SGK2: variants seen among roughly 807,000 people sequenced by gnomAD.
The protein encoded by SGK2 is serum/glucocorticoid regulated kinase 2, also known as serine/threonine-protein kinase Sgk2.
In SGK2, 36 loss-of-function variants were observed where a neutral mutation model predicts 47.5. The observed-to-expected ratio is 0.76, with a 90% CI of 0.58 to 1.00. SGK2 has a LOEUF of 1.00. SGK2 is among the 50% of genes least tolerant of loss of function. The probability of loss-of-function intolerance (pLI) is 0.00; values close to 1 mark genes in which losing one functional copy is unlikely to be tolerated. For synonymous variants in SGK2, 157 were observed against 181.9 expected (o/e 0.86, Z 1.10); for missense variants, 404 against 467.4 (o/e 0.86, Z 1.25).
At chr20:43,569,643 C>A in intron 6 of SGK2, 127 bp downstream of exon 6, 1 of 1,104,828 alleles carries the variant, frequency 9.1e-7, no homozygotes, top group Non-Finnish European at 1.3e-6. Flanking sequence ...CATTTTGTAG[C>A]TAAAGAAACT....
rs775481466 is a variant in SGK2, at chr20:43,570,656, C to G, written c.400C>G (p.Pro134Ala). The G allele has an allele frequency of 6.2e-7, 1 of 1,612,192 alleles. No homozygotes were observed. The highest frequency in any genetic ancestry group is 1.3e-5 in the African/African-American group (1 of 74,928). ...HLQRERRFLE[P>A]RARFYAAEVA... ...GCAGCGGGAGCGCCGGTTCCTGGAG[C>G]CCCGGGCCAGGTTCTACGCTGCTGA... The change falls in exon 7 of 13, where the codon CCC (proline) becomes GCC (alanine). Residue 134 changes from proline (P) to alanine (A), a missense_variant. Transcript: ENST00000373100.
At chr20:43,583,286 G>T in intron 12 of SGK2, 3 of 1,289,712 alleles carry the variant, frequency 2.3e-6, no homozygotes, top group Non-Finnish European at 3.0e-6. Context: ...ACCATACATG[G>T]AATACTAGGC....
chr20:43,583,266 T>G (rs1313097393), intron 12 of SGK2: 6 of 1,289,678 alleles, frequency 4.7e-6, no homozygotes, highest in African/African-American at 1.5e-5. Flanking sequence ...ACTTATACCC[T>G]GGAGAGAGAA....
chr20:43,574,918 C>A lies in SGK2; in HGVS notation c.607C>A (p.Pro203Thr). 1 of 1,613,292 alleles carries A rather than the reference C, an allele frequency of 6.2e-7. No individual in the cohort carries two copies. Among genetic ancestry groups the A allele is most frequent in the Non-Finnish European group, 8.5e-7 (1 of 1,179,392 alleles). ...TFCGTPEYLA[P>T]EVLRKEPYDR... ...TGTTTCCTTCTAACAGTACTTGGCA[C>A]CTGAAGTGCTTCGGAAAGAGCCTTA... The change falls in exon 10 of 13, where the codon CCT (proline) becomes ACT (threonine). Residue 203 changes from proline (P) to threonine (T), a missense_variant. Physicochemically the swap from Pro to Thr is conservative, Grantham distance 38. Transcript: ENST00000373100.
At chr20:43,571,146 A>C (rs753114249) in intron 8 of SGK2, 86 bp downstream of exon 8, 34 of 1,585,356 alleles carry the variant, frequency 2.1e-5, no homozygotes, top group Admixed American at 3.4e-5. Flanking sequence ...GTCTGTGTAC[A>C]TGGGTGTGCA....
intron 3 of SGK2, 127 bp downstream of exon 3, chr20:43,567,244 C>T: frequency 1.3e-6 from 1 of 780,614 alleles, no homozygotes. Context: ...GGGCCCAGGA[C>T]CTTTCCCCAG....
Position 43,583,189 on chromosome 20 carries a change from C to T in SGK2, c.940-1663C>T. 2.3e-6 allele frequency: 3 copies of T among 1,289,530 alleles called. No homozygotes were observed. The South Asian group carries it at 3.7e-5, about 16-fold the overall frequency. 79.9% of individuals were successfully genotyped at this position (1,289,530 alleles called of 1,614,324 possible). On this transcript the variant is annotated intron_variant, in intron 12 of 12. Transcript: ENST00000373100. ...TGGGCACTGGATCAGATAGGATACA[C>T]TCGGGCCAGGCACCAGAAAAGCTTC...
In SGK2 at chr20:43,576,431, G is replaced by A. The variant is rs538623200; in HGVS notation, c.849+52G>A. 54 of 1,525,554 alleles carry A rather than the reference G, an allele frequency of 3.5e-5. 2 individuals carry two copies. The South Asian group carries it at 6.1e-4, about 17-fold the overall frequency. The allele number at this position is 1,525,554 out of a possible 1,614,324, so 94.5% of individuals were successfully genotyped here. On this transcript the variant is annotated intron_variant, in intron 11 of 12. Coordinates refer to ENST00000373100, the MANE Select transcript of SGK2 (RefSeq NM_170693.3). Reference sequence around the variant, plus strand: ...GCCCCCATGGGGCTCGCAGCTTCCTGCAGAGGCAGCTCAGAAGCACATTAA... The same window carrying A: ...GCCCCCATGGGGCTCGCAGCTTCCTACAGAGGCAGCTCAGAAGCACATTAA...
intron 12 of SGK2, among the ~76,000 whole-genome samples, chr20:43,582,476 C>T (rs1980858389): frequency 6.6e-6 from 1 of 151,774 alleles, no homozygotes; most frequent in Non-Finnish European, 1.5e-5. Context: ...CAACCTCTGT[C>T]TTCTTGGTTC....
chr20:43,562,602 G>A (rs1033276919), intron 1 of SGK2, among the ~76,000 whole-genome samples: 3 of 150,830 alleles, frequency 2.0e-5, no homozygotes, highest in Non-Finnish European at 3.0e-5. Flanking sequence ...TTAGCCAGGC[G>A]CAGTGGCGGG....
Position 43,576,326 on chromosome 20 carries a change from C to G in SGK2, c.796C>G (p.Gln266Glu). Residue 266 changes from glutamine (Q) to glutamate (E), a missense_variant, in exon 11 of 13, where the codon CAA becomes GAA. By Grantham distance (29) the Gln-to-Glu change is conservative. Coordinates refer to ENST00000373100, the MANE Select transcript of SGK2 (RefSeq NM_170693.3). ...GRTVAACDLL[Q>E]SLLHKDQRQR... ...GACAGTGGCCGCCTGTGACCTCCTGCAAAGCCTTCTCCACAAGGACCAGAG... is the reference window on the plus strand; with the variant it reads ...GACAGTGGCCGCCTGTGACCTCCTGGAAAGCCTTCTCCACAAGGACCAGAG... 6.2e-7 allele frequency: 1 copy of G among 1,614,246 alleles called. No individual in the cohort carries two copies. The highest frequency in any genetic ancestry group is 8.5e-7 in the Non-Finnish European group (1 of 1,180,048).
At chr20:43,567,198 A>AGAATCTGGAT in intron 3 of SGK2, 81 bp downstream of exon 3, 1 of 1,187,368 alleles carries the variant, frequency 8.4e-7, no homozygotes, top group Non-Finnish European at 1.3e-6. Context: ...TAAAATCCAG[A>AGAATCTGGAT]TTCTCTGGTC....
chr20:43,570,899 C>A, intron 7 of SGK2, 125 bp from the exon 8 acceptor site: 1 of 1,485,500 alleles, frequency 6.7e-7, no homozygotes, highest in Admixed American at 1.7e-5. Flanking sequence ...TCTGGGCTCT[C>A]CTTCTGCATC....
intron 12 of SGK2, among the ~76,000 whole-genome samples, chr20:43,581,914 T>A (rs1047884677): frequency 6.6e-6 from 1 of 152,232 alleles, no homozygotes; most frequent in Non-Finnish European, 1.5e-5. Flanking sequence ...TGCTGGAGAG[T>A]TCTCATCTTG....
intron 5 of SGK2, 93 bp downstream of exon 5, chr20:43,568,092 C>A: frequency 1.0e-6 from 1 of 1,003,372 alleles, no homozygotes. Context: ...CTGACAGGTC[C>A]ATGGGCCTGG....
Position 43,572,165 on chromosome 20 carries a change from AGGTCATGAGTGGG to A in SGK2, c.597+29_597+41del. ...AAGCGTAAACATCCCAGGAGAGGGG[AGGTCATGAGTGGG>A]TGAGGCCACAGCTCCTGATTAGAGC... is the stretch of plus-strand genomic sequence containing the variant. On this transcript the variant is annotated intron_variant, in intron 9 of 12. Coordinates refer to ENST00000373100, the MANE Select transcript of SGK2 (RefSeq NM_170693.3). The surrounding 1 kb of genome is among the most constrained non-coding windows in gnomAD (Gnocchi z 4.2). The A allele has an allele frequency of 6.7e-7, 1 of 1,503,120 alleles. No individual in the cohort carries two copies. The allele number at this position is 1,503,120 out of a possible 1,614,324, so 93.1% of individuals were successfully genotyped here.
At chr20:43,581,638 C>T (rs1384034066) in intron 12 of SGK2, among the ~76,000 whole-genome samples, 1 of 152,142 alleles carries the variant, frequency 6.6e-6, no homozygotes, top group African/African-American at 2.4e-5. Flanking sequence ...AAGCAATTCT[C>T]ATGTCTCAGC....
rs1233695399 is a variant in SGK2 at position 43,569,396 on chromosome 20, C to T, written c.240C>T (p.Ile80=). 1 of 1,613,978 alleles carries T rather than the reference C, an allele frequency of 6.2e-7. No individual in the cohort carries two copies. The highest frequency in any genetic ancestry group is 1.7e-5 in the Admixed American group (1 of 60,024). The change falls in exon 6 of 13, where the codon ATC becomes ATT. Residue 80 remains isoleucine (I), a synonymous_variant. Transcript: ENST00000373100. ...TTGTGACTCCACAGCAGAGCCACAT[C>T]ATGGCAGAGCGCAGTGTGCTTCTGA... is the stretch of plus-strand genomic sequence containing the variant. ...SILKKKEQSH[I]MAERSVLLKN...
At position 43,570,731 on chromosome 20, in the gene SGK2, T is replaced by A; in HGVS notation, c.473+2T>A. The stretch of plus-strand genomic sequence containing the variant: ...GCACTCCCTCAACATCATTTACAGG[T>A]GAGGCCTGCCTGTGGCTCAGAGCCA... On this transcript the variant is annotated splice_donor_variant, in intron 7 of 12. Transcript: ENST00000373100. LOFTEE classifies it high-confidence loss of function. 6.2e-7 allele frequency: 1 copy of A among 1,604,476 alleles called. No individual in the cohort carries two copies. Among genetic ancestry groups the A allele is most frequent in the Non-Finnish European group, 8.5e-7 (1 of 1,171,730 alleles).
Sources: gnomAD v4.1 joint callset for allele counts (sites outside exome capture counted in the v4.1 genomes callset) on GRCh38, gnomAD v4.1.1 for gene constraint, Gnocchi (gnomAD v3.1) non-coding constraint, MANE v1.5 for transcripts, NCBI Gene and HGNC (gene_info 2026-07-23, HGNC 2026-07-21) for gene names.